SFSWAP: variants seen among roughly 807,000 people sequenced by gnomAD.
SFSWAP encodes splicing factor SWAP.
In SFSWAP, 17 loss-of-function variants were observed where a neutral mutation model predicts 100.7. The observed-to-expected ratio is 0.17, with a 90% CI of 0.12 to 0.25. The LOEUF (loss-of-function observed/expected upper bound fraction) is 0.25, where lower values mean the gene tolerates loss of function less well. Ranked by LOEUF, SFSWAP falls within the 10% of genes least tolerant of loss-of-function variation. The pLI is 1.00. For missense variants in SFSWAP, 1,005 were observed against 1,262.6 expected (o/e 0.80, Z 3.09); for synonymous variants, 504 against 510.1 (o/e 0.99, Z 0.16).
chr12:131,714,545 C>A lies in SFSWAP; in HGVS notation c.389-277C>A. 1 of 482,232 alleles carries A rather than the reference C, an allele frequency of 2.1e-6. No individual in the cohort carries two copies. Among genetic ancestry groups the A allele is most frequent in the Admixed American group, 3.5e-5 (1 of 28,506 alleles). 29.9% of individuals were successfully genotyped at this position (482,232 alleles called of 1,614,324 possible). ...ATAAAATTGATGTTCTTGTCTTTGC[C>A]GTAACAGTCTTTAATACAGTTCTTA... On this transcript the variant is annotated intron_variant, in intron 2 of 17. Coordinates refer to ENST00000261674, the MANE Select transcript of SFSWAP (RefSeq NM_004592.4). The surrounding 1 kb of genome is among the most constrained non-coding windows in gnomAD (Gnocchi z 6.0).
At chr12:131,722,195 A>G (rs913741999) in intron 4 of SFSWAP, among the ~76,000 whole-genome samples, 3 of 152,228 alleles carry the variant, frequency 2.0e-5, no homozygotes, top group African/African-American at 7.2e-5. Context: ...TTTTAAACTA[A>G]CTGTTGGTTT....
chr12:131,727,100 C>T, intron 6 of SFSWAP, 48 bp downstream of exon 6: 2 of 1,148,854 alleles, frequency 1.7e-6, no homozygotes, highest in Non-Finnish European at 2.6e-6. Flanking sequence ...CACAAAACTT[C>T]TGCTAATGTA....
Position 131,714,329 on chromosome 12 carries a change from C to A in SFSWAP, c.388+89C>A. 1 of 1,096,768 alleles carries A rather than the reference C, an allele frequency of 9.1e-7. No homozygotes were observed. The highest frequency in any genetic ancestry group is 1.3e-6 in the Non-Finnish European group (1 of 762,532). The allele number at this position is 1,096,768 out of a possible 1,614,324, so 67.9% of individuals were successfully genotyped here. On this transcript the variant is annotated intron_variant, in intron 2 of 17. Coordinates refer to ENST00000261674, the MANE Select transcript of SFSWAP (RefSeq NM_004592.4). The surrounding 1 kb of genome is among the most constrained non-coding windows in gnomAD (Gnocchi z 6.0). ...TTACTCCCATTCATTTTTTTATACT[C>A]ACTCTTTCTGATATTATCTTGACAG...
chr12:131,749,768 C>T (rs917558509), intron 7 of SFSWAP, among the ~76,000 whole-genome samples: 9 of 152,196 alleles, frequency 5.9e-5, no homozygotes, highest in East Asian at 3.8e-4. Context: ...GCTGTGTGAG[C>T]GGCTAAGGTT....
chr12:131,798,121 A>C (rs1885810218), intron 16 of SFSWAP, among the ~76,000 whole-genome samples: 2 of 152,152 alleles, frequency 1.3e-5, no homozygotes, highest in African/African-American at 4.8e-5. Flanking sequence ...CAGGAATTTG[A>C]GACCAGTCTG....
At chr12:131,789,547 T>C (rs1015267299) in intron 15 of SFSWAP, among the ~76,000 whole-genome samples, 15 of 151,982 alleles carry the variant, frequency 9.9e-5, no homozygotes, top group Admixed American at 9.2e-4. Flanking sequence ...CAAAAAAAAG[T>C]GTACAATAAA....
chr12:131,791,875 G>C (rs1212163183), intron 15 of SFSWAP, among the ~76,000 whole-genome samples: 1 of 152,260 alleles, frequency 6.6e-6, no homozygotes, highest in East Asian at 1.9e-4. Context: ...TGGGGGAGGG[G>C]GTGTGCACAT....
At chr12:131,712,501 G>C (rs1279640492) in intron 1 of SFSWAP, 1 of 152,112 alleles carries the variant, frequency 6.6e-6, no homozygotes, top group Non-Finnish European at 1.5e-5. Context: ...GTCTCTCCAC[G>C]TGAAGAAAGC....
Position 131,797,345 on chromosome 12 carries a change from G to T in SFSWAP, c.2702G>T (p.Ser901Ile). Reference sequence around the variant, plus strand: ...TCCCCTGTGGAGAGTCGGGGCTCCAGCCAGGAGCGCTCCAGGTAACCCCTG... The same window carrying T: ...TCCCCTGTGGAGAGTCGGGGCTCCATCCAGGAGCGCTCCAGGTAACCCCTG... The part of the protein sequence containing the change: ...SVSPVESRGS[S>I]QERSRGVSQE... The change falls in exon 16 of 18, where the codon AGC becomes ATC. Residue 901 changes from serine to isoleucine, a missense_variant. By Grantham distance (142) the Ser-to-Ile change is moderately radical. Transcript: ENST00000261674. The T allele has an allele frequency of 1.9e-6, 3 of 1,607,978 alleles. No individual in the cohort carries two copies. The South Asian group carries it at 3.3e-5, about 18-fold the overall frequency.
intron 17 of SFSWAP, 118 bp downstream of exon 17, chr12:131,799,227 G>A (rs1885896335): frequency 1.9e-6 from 2 of 1,041,428 alleles, no homozygotes; most frequent in South Asian, 2.7e-5. Context: ...GGGATCTCGG[G>A]CAAAATACCA....
intron 11 of SFSWAP, among the ~76,000 whole-genome samples, chr12:131,762,501 G>A (rs1023636642): frequency 2.6e-5 from 4 of 152,164 alleles, no homozygotes; most frequent in South Asian, 2.1e-4. Context: ...TGTTGATTGC[G>A]TATTTTTCTA....
intron 7 of SFSWAP, among the ~76,000 whole-genome samples, chr12:131,737,778 T>A (rs1480344286): frequency 6.6e-6 from 1 of 152,150 alleles, no homozygotes; most frequent in Non-Finnish European, 1.5e-5. Context: ...GAAAAGCATC[T>A]ATTTTTTTCC....
At chr12:131,760,417 A>G (rs1229726602) in intron 11 of SFSWAP, among the ~76,000 whole-genome samples, 1 of 152,226 alleles carries the variant, frequency 6.6e-6, no homozygotes, top group Non-Finnish European at 1.5e-5. Context: ...GCTAGTAAAT[A>G]TATTTTTTCA....
Position 131,711,306 on chromosome 12 carries a change from C to T in SFSWAP, c.77C>T (p.Ala26Val). Reference sequence around the variant, plus strand: ...AAGGAGGAGGCCGGGCCAGGCGGTGCCGGCGGTGGGGGCAGCCGAGTGGAG... The same window carrying T: ...AAGGAGGAGGCCGGGCCAGGCGGTGTCGGCGGTGGGGGCAGCCGAGTGGAG... ...GAKEEAGPGG[A>V]GGGGSRVELL... The change falls in exon 1 of 18, where the codon GCC (alanine) becomes GTC (valine). Residue 26 changes from alanine (A) to valine (V), a missense_variant. By Grantham distance (64) the Ala-to-Val change is moderately conservative (BLOSUM62 0). This residue lies in a region of SFSWAP where 237 missense variants were observed against 337.0 expected (regional missense o/e 0.70). Coordinates refer to ENST00000261674, the MANE Select transcript of SFSWAP (RefSeq NM_004592.4). The surrounding 1 kb of genome is among the most constrained non-coding windows in gnomAD (Gnocchi z 4.9). 1 of 1,613,370 alleles carries T rather than the reference C, an allele frequency of 6.2e-7. No homozygotes were observed. Among genetic ancestry groups the T allele is most frequent in the Non-Finnish European group, 8.5e-7 (1 of 1,179,792 alleles).
chr12:131,726,876 A>G (rs532737550), intron 5 of SFSWAP, 64 bp from the exon 6 acceptor site: 43 of 1,011,920 alleles, frequency 4.2e-5, no homozygotes, highest in East Asian at 3.4e-4. Flanking sequence ...AAGTTTTTGC[A>G]TAATTAATTT....
At chr12:131,765,857 C>G (rs1020144935) in intron 12 of SFSWAP, among the ~76,000 whole-genome samples, 2 of 152,078 alleles carry the variant, frequency 1.3e-5, no homozygotes, top group Non-Finnish European at 2.9e-5. Flanking sequence ...TGGATATATG[C>G]TGAGAGCCAC....
intron 15 of SFSWAP, among the ~76,000 whole-genome samples, chr12:131,788,328 G>C (rs1385892664): frequency 6.6e-6 from 1 of 152,220 alleles, no homozygotes; most frequent in East Asian, 1.9e-4. Flanking sequence ...TCAGTGCAGT[G>C]CTGAGCCCTG....
intron 4 of SFSWAP, among the ~76,000 whole-genome samples, chr12:131,723,616 G>C (rs1878688722): frequency 6.6e-6 from 1 of 152,108 alleles, no homozygotes; most frequent in Non-Finnish European, 1.5e-5. Flanking sequence ...ACTGCCCCTG[G>C]GGTTCCTTGC....
rs780807924 is a variant in SFSWAP at position 131,753,374 on chromosome 12, C to A, written c.1322+11C>A. On this transcript the variant is annotated intron_variant, in intron 8 of 17. Transcript: ENST00000261674. ...AACCACCACCACAAGGTAGGTGCAG[C>A]GTCCACCGCTGCCTGCTGTGTGAGT... 4 of 1,606,448 alleles carry A rather than the reference C, an allele frequency of 2.5e-6. No homozygotes were observed. The African/African-American group carries it at 5.3e-5, about 21-fold the overall frequency.
Sources: allele counts gnomAD v4.1 joint callset (sites outside exome capture counted in the v4.1 genomes callset), GRCh38; gene constraint gnomAD v4.1.1; regional missense constraint gnomAD v4.1.1; non-coding constraint Gnocchi (gnomAD v3.1); transcripts MANE v1.5; gene names NCBI Gene and HGNC (gene_info 2026-07-23, HGNC 2026-07-21).